Variants in GPHN observed in about 807,000 individuals in gnomAD.
GPHN encodes gephyrin.
GPHN carries 17 observed loss-of-function variants against 95.5 expected under a neutral mutation model. The observed-to-expected ratio is 0.18, with a 90% CI of 0.12 to 0.27. The LOEUF is 0.27. Ranked by LOEUF, GPHN falls within the 10% of genes least tolerant of loss-of-function variation. The pLI, the probability that GPHN is intolerant of heterozygous loss-of-function variation, is 1.00. For synonymous variants in GPHN, 320 were observed against 322.5 expected, an observed-to-expected ratio of 0.99 and a Z score of 0.08; for missense variants, 660 against 978.1, an observed-to-expected ratio of 0.67 and a Z score of 4.34.
At chr14:67,184,700 T>A (rs2083360051), downstream of GPHN, among the ~76,000 whole-genome samples, 2 of 152,154 alleles carry the variant, frequency 1.3e-5, no homozygotes, top group South Asian at 2.1e-4. Context: ...GATAGACATG[T>A]CCCATTGGCA....
chr14:67,090,037 T>C (rs2077084008), intron 12 of GPHN, among the ~76,000 whole-genome samples: 1 of 152,174 alleles, frequency 6.6e-6, no homozygotes, highest in South Asian at 2.1e-4. Context: ...ATCATTTTTG[T>C]AGTGAGACTT....
chr14:67,582,386 G>T, the GPHN span: 1 of 1,079,314 alleles, frequency 9.3e-7, no homozygotes, highest in Non-Finnish European at 1.3e-6. This position sits in a 1 kb window ranked among gnomAD's most constrained non-coding sequence, Gnocchi z 5.0. Flanking sequence ...CTCACTCACC[G>T]CAGATATAGG....
chr14:66,590,338 A>G (rs60616457), intron 1 of GPHN, among the ~76,000 whole-genome samples: 47,685 of 151,126 alleles, frequency 0.32, 11,482 homozygotes, highest in African/African-American at 0.65. Flanking sequence ...CTAGAGACAC[A>G]AAAATCCCTT....
At chr14:67,108,815 A>C (rs2078198566) in intron 13 of GPHN, among the ~76,000 whole-genome samples, 1 of 152,140 alleles carries the variant, frequency 6.6e-6, no homozygotes, top group African/African-American at 2.4e-5. Context: ...ACATACACAC[A>C]CATAACATTA....
chr14:67,204,456 AATAT>A, the GPHN span: 1 of 1,361,106 alleles, frequency 7.3e-7, no homozygotes. Flanking sequence ...CAAACAAACA[AATAT>A]ATATATATAT....
intron 1 of GPHN, among the ~76,000 whole-genome samples, chr14:66,548,723 C>T (rs2059701055): frequency 6.6e-6 from 1 of 152,036 alleles, no homozygotes; most frequent in African/African-American, 2.4e-5. Context: ...GAGACACATC[C>T]CTCAGATTAA....
chr14:67,562,531 T>C, the GPHN span: 1 of 1,609,718 alleles, frequency 6.2e-7, no homozygotes, highest in Non-Finnish European at 8.5e-7. Context: ...CAAAGACCTC[T>C]GCCAGGGAAG....
At chr14:67,674,255 G>A in the GPHN span, 1 of 897,654 alleles carries the variant, frequency 1.1e-6, no homozygotes, top group Admixed American at 3.1e-5. Context: ...GCCCTAGGGG[G>A]CGTGTCTGAG....
At chr14:67,224,981 T>C in the GPHN span, 1 of 715,664 alleles carries the variant, frequency 1.4e-6, no homozygotes, top group Non-Finnish European at 2.2e-6. Flanking sequence ...GAACATAATC[T>C]GAATTTAATA....
At chr14:67,532,050 T>C in the GPHN span, among the ~76,000 whole-genome samples, 1 of 152,160 alleles carries the variant, frequency 6.6e-6, no homozygotes, top group Non-Finnish European at 1.5e-5. Flanking sequence ...AAAATGGGGC[T>C]AATCTATCCC....
the GPHN span, among the ~76,000 whole-genome samples, chr14:67,298,972 T>C: frequency 2.0e-5 from 3 of 152,338 alleles, no homozygotes; most frequent in East Asian, 3.9e-4. Context: ...TATAATGTTT[T>C]TGAGATTCAT....
At chr14:66,835,364 A>C (rs1458459116) in intron 4 of GPHN, among the ~76,000 whole-genome samples, 2 of 151,712 alleles carry the variant, frequency 1.3e-5, no homozygotes, top group African/African-American at 2.4e-5. Context: ...TCAATTTTGG[A>C]TCTTTCCTGC....
At chr14:67,342,214 A>T in the GPHN span, among the ~76,000 whole-genome samples, 9 of 101,994 alleles carry the variant, frequency 8.8e-5, no homozygotes, top group East Asian at 1.9e-3. Context: ...ATAAATAAAT[A>T]AAATAAAATA....
intron 10 of GPHN, among the ~76,000 whole-genome samples, chr14:67,032,021 G>GA (rs1328401144): frequency 1.3e-5 from 2 of 152,170 alleles, no homozygotes; most frequent in South Asian, 2.1e-4. Context: ...GAAAACTCCA[G>GA]AAAAAAGGTT....
intron 1 of GPHN, among the ~76,000 whole-genome samples, chr14:66,676,515 G>T (rs1206308596): frequency 6.6e-6 from 1 of 151,906 alleles, no homozygotes; most frequent in African/African-American, 2.4e-5. Context: ...TATTATGAAG[G>T]GAGTTGAATT....
intron 1 of GPHN, among the ~76,000 whole-genome samples, chr14:66,628,721 CTT>C (rs2063616218): frequency 6.6e-6 from 1 of 151,878 alleles, no homozygotes; most frequent in Admixed American, 6.6e-5. Flanking sequence ...CTTCTTGACT[CTT>C]TTGTAATAAT....
chr14:66,859,533 T>A (rs1350460014), intron 4 of GPHN, among the ~76,000 whole-genome samples: 1 of 152,214 alleles, frequency 6.6e-6, no homozygotes, highest in Non-Finnish European at 1.5e-5. Context: ...TTGCGAAAGC[T>A]AATAAATACC....
intron 1 of GPHN, among the ~76,000 whole-genome samples, chr14:66,515,534 T>C (rs994726411): frequency 3.3e-5 from 5 of 152,200 alleles, no homozygotes; most frequent in Non-Finnish European, 7.3e-5. Context: ...TAATGAAATT[T>C]GATATCTAAA....
chr14:67,570,089 G>A, the GPHN span: 2 of 1,014,318 alleles, frequency 2.0e-6, no homozygotes, highest in Non-Finnish European at 3.0e-6. Flanking sequence ...ACTGGGGCGG[G>A]GCTCTAGGGC....
Sources: allele counts gnomAD v4.1 joint callset (sites outside exome capture counted in the v4.1 genomes callset), GRCh38; gene constraint gnomAD v4.1.1; non-coding constraint Gnocchi (gnomAD v3.1); transcripts MANE v1.5; gene names NCBI Gene and HGNC (gene_info 2026-07-23, HGNC 2026-07-21).